COG5: variants seen among roughly 807,000 people sequenced by gnomAD.
The protein encoded by COG5 is conserved oligomeric Golgi complex subunit 5.
A neutral mutation model predicts 110.4 loss-of-function variants in COG5; 86 were observed. The ratio of observed to expected loss-of-function variants is 0.78; its 90% confidence interval spans 0.65 to 0.93. COG5 has a LOEUF of 0.93. Among genes scored for constraint, COG5 ranks in the 40% least tolerant of loss-of-function variants. The probability of loss-of-function intolerance (pLI) is 0.00; values close to 1 mark genes in which losing one functional copy is unlikely to be tolerated. For missense variants in COG5, 1,077 were observed against 987.0 expected, an observed-to-expected ratio of 1.09 and a Z score of -1.22; for synonymous variants, 360 against 334.6, an observed-to-expected ratio of 1.08 and a Z score of -0.83.
At chr7:107,366,807 G>A (rs1562992307) in intron 8 of COG5, among the ~76,000 whole-genome samples, 1 of 152,102 alleles carries the variant, frequency 6.6e-6, no homozygotes, top group African/African-American at 2.4e-5. Context: ...CCCATGTGAA[G>A]AGGAGTGAGT....
intron 6 of COG5, among the ~76,000 whole-genome samples, chr7:107,451,395 T>G (rs1403649977): frequency 6.6e-6 from 1 of 152,200 alleles, no homozygotes; most frequent in African/African-American, 2.4e-5. Context: ...TCAAGACTAC[T>G]TTTGACTTCT....
chr7:107,370,561 G>A (rs552341054), intron 8 of COG5, among the ~76,000 whole-genome samples: 14 of 151,824 alleles, frequency 9.2e-5, no homozygotes, highest in East Asian at 1.9e-4. Context: ...CGAGGTGGGC[G>A]GATCACCTGA....
At chr7:107,476,540 T>C (rs1288117028) in intron 6 of COG5, among the ~76,000 whole-genome samples, 2 of 151,624 alleles carry the variant, frequency 1.3e-5, no homozygotes, top group Non-Finnish European at 3.0e-5. Context: ...TCTCCCACCC[T>C]CAATTCATGT....
chr7:107,372,799 T>C (rs755979462), intron 7 of COG5, 39 bp from the exon 8 acceptor site: 40 of 1,600,532 alleles, frequency 2.5e-5, no homozygotes, highest in Non-Finnish European at 3.2e-5. Flanking sequence ...CAGATATAAA[T>C]AGGAAAACAA....
At chr7:107,364,268 G>A (rs1457376325) in intron 8 of COG5, among the ~76,000 whole-genome samples, 3 of 152,130 alleles carry the variant, frequency 2.0e-5, no homozygotes, top group African/African-American at 7.2e-5. Context: ...TCCAAAAAAT[G>A]TTAATGCCAT....
At chr7:107,549,494 C>CCATT (rs1802725331) in intron 3 of COG5, among the ~76,000 whole-genome samples, 1 of 152,140 alleles carries the variant, frequency 6.6e-6, no homozygotes, top group South Asian at 2.1e-4. Flanking sequence ...CGGGTTCACG[C>CCATT]CATTCTCCAG....
At chr7:107,449,850 C>G (rs1288860537) in intron 6 of COG5, among the ~76,000 whole-genome samples, 1 of 152,124 alleles carries the variant, frequency 6.6e-6, no homozygotes, top group Non-Finnish European at 1.5e-5. Context: ...ATCTTTTTAT[C>G]TCATATTGAA....
intron 19 of COG5, among the ~76,000 whole-genome samples, chr7:107,215,141 A>G (rs933915576): frequency 1.3e-5 from 2 of 152,166 alleles, no homozygotes; most frequent in Non-Finnish European, 2.9e-5. Flanking sequence ...CAAAACAACA[A>G]TCTAGAGTAG....
chr7:107,347,315 T>C (rs1584709009), intron 10 of COG5, among the ~76,000 whole-genome samples: 1 of 152,154 alleles, frequency 6.6e-6, no homozygotes, highest in Admixed American at 6.5e-5. Flanking sequence ...TAAAAGTTTA[T>C]AGGTAAATAA....
intron 11 of COG5, among the ~76,000 whole-genome samples, chr7:107,316,821 ACT>A (rs1163094326): frequency 1.3e-5 from 2 of 151,610 alleles, no homozygotes; most frequent in Admixed American, 6.6e-5. Flanking sequence ...ACACAGTGAG[ACT>A]CTGTCTCAGG....
intron 6 of COG5, among the ~76,000 whole-genome samples, chr7:107,438,654 G>A (rs916015272): frequency 5.9e-5 from 9 of 152,124 alleles, no homozygotes; most frequent in African/African-American, 1.9e-4. Flanking sequence ...TGAGAAAGAT[G>A]CATCTGTTAC....
intron 11 of COG5, among the ~76,000 whole-genome samples, chr7:107,307,113 T>C (rs1393663794): frequency 6.6e-6 from 1 of 152,236 alleles, no homozygotes; most frequent in Non-Finnish European, 1.5e-5. Flanking sequence ...CTCCTTGTAA[T>C]AACAGTCTGC....
chr7:107,439,228 C>G (rs7791955), intron 6 of COG5, among the ~76,000 whole-genome samples: 89,431 of 151,826 alleles, frequency 0.59, 27,840 homozygotes, highest in African/African-American at 0.81. Flanking sequence ...CTTCTCTACG[C>G]AATCATTCCC....
In COG5 at chr7:107,527,436, T is replaced by G. The variant is rs73724523; in HGVS notation, c.418-79A>C. On this transcript the variant is annotated intron_variant, in intron 5 of 21. Transcript: ENST00000297135. ...TAATAAATAGTAATAACAAGCACAG[T>G]GGGTTGATAGGTGCAGCAAACCACC... The G allele has an allele frequency of 2.5e-3, 3,816 of 1,510,600 alleles. 86 individuals are homozygous for G. In the African/African-American group the frequency reaches 0.046, roughly 18 times the overall value. 93.6% of individuals were successfully genotyped at this position (1,510,600 alleles called of 1,614,324 possible). A position where few individuals can be genotyped will look rare whatever the true frequency, so the allele number is the denominator to read the frequency against.
At chr7:107,293,933 A>G (rs112272579) in intron 12 of COG5, among the ~76,000 whole-genome samples, 24,420 of 151,992 alleles carry the variant, frequency 0.16, 2,350 homozygotes, top group Non-Finnish European at 0.22. Flanking sequence ...TTATCTGGGC[A>G]TGGTGGTGTG....
intron 6 of COG5, among the ~76,000 whole-genome samples, chr7:107,426,203 T>C (rs1003102121): frequency 1.3e-5 from 2 of 152,336 alleles, no homozygotes; most frequent in South Asian, 4.1e-4. Context: ...GCTCGAGCAC[T>C]ACAGACCCTA....
At chr7:107,416,467 G>GA (rs1792854228) in intron 6 of COG5, among the ~76,000 whole-genome samples, 2 of 151,960 alleles carry the variant, frequency 1.3e-5, no homozygotes. Context: ...GGGATACATA[G>GA]AAACATTAAC....
chr7:107,490,191 G>A (rs751178320), intron 6 of COG5, among the ~76,000 whole-genome samples: 8 of 151,782 alleles, frequency 5.3e-5, no homozygotes, highest in Non-Finnish European at 8.8e-5. Flanking sequence ...TTCCAGTATC[G>A]TCCCCCATCC....
At chr7:107,405,997 T>C (rs192880698) in intron 7 of COG5, among the ~76,000 whole-genome samples, 66 of 152,270 alleles carry the variant, frequency 4.3e-4, no homozygotes, top group Middle Eastern at 6.8e-3. Flanking sequence ...AAAATAAATT[T>C]CTGTTTATAA....
Sources: gnomAD v4.1 joint callset for allele counts (sites outside exome capture counted in the v4.1 genomes callset) on GRCh38, gnomAD v4.1.1 for gene constraint, MANE v1.5 for transcripts, NCBI Gene and HGNC (gene_info 2026-07-23, HGNC 2026-07-21) for gene names.